Variants in PCDHA3 observed in about 807,000 individuals in gnomAD.
PCDHA3 encodes the protein protocadherin alpha-3.
PCDHA3 carries 41 observed loss-of-function variants against 62.2 expected under a neutral mutation model. That is an observed-to-expected ratio of 0.66 (90% CI 0.51 to 0.86). The LOEUF (loss-of-function observed/expected upper bound fraction) is 0.86. Ranked by LOEUF, PCDHA3 falls within the 40% of genes least tolerant of loss-of-function variation. PCDHA3 has a pLI of 0.00. For missense variants in PCDHA3, 1,304 were observed against 1,241.2 expected (o/e 1.05, Z -0.76); for synonymous variants, 640 against 555.4 (o/e 1.15, Z -2.14).
At chr5:140,945,155 A>G (rs566867183) in intron 1 of PCDHA3, among the ~76,000 whole-genome samples, 22 of 152,284 alleles carry the variant, frequency 1.4e-4, no homozygotes, top group African/African-American at 5.3e-4. Context: ...TCTATACACT[A>G]TTGAACTATC....
At chr5:140,876,315 C>G (rs2056279391) in intron 1 of PCDHA3, 1 of 1,613,840 alleles carries the variant, frequency 6.2e-7, no homozygotes, top group African/African-American at 1.3e-5. Flanking sequence ...CCTATGGGAT[C>G]AAAATGATTT....
chr5:140,828,449 G>A (rs2150155406), intron 1 of PCDHA3: 1 of 1,614,280 alleles, frequency 6.2e-7, no homozygotes, highest in African/African-American at 1.3e-5. Flanking sequence ...TTTCCATGTG[G>A]ACGTGGAGGT....
chr5:140,842,420 A>G, intron 1 of PCDHA3: 2 of 1,613,364 alleles, frequency 1.2e-6, no homozygotes, highest in Non-Finnish European at 1.7e-6. Context: ...TCAATTTGGT[A>G]CTGTCATCGC....
intron 1 of PCDHA3, chr5:140,929,570 A>G (rs1563117537): frequency 2.2e-6 from 1 of 458,222 alleles, no homozygotes; most frequent in South Asian, 1.1e-4. Flanking sequence ...TAAGAACAAT[A>G]AAAGTAATAT....
At chr5:140,976,316 C>T (rs1336395893) in intron 1 of PCDHA3, among the ~76,000 whole-genome samples, 17 of 152,002 alleles carry the variant, frequency 1.1e-4, no homozygotes, top group Admixed American at 1.0e-3. Context: ...TTTGGGAGGC[C>T]GAGGAGGGTG....
At chr5:141,001,476 G>A (rs1554258187) in intron 3 of PCDHA3, among the ~76,000 whole-genome samples, 1 of 152,226 alleles carries the variant, frequency 6.6e-6, no homozygotes, top group Admixed American at 6.5e-5. Flanking sequence ...CAGCAGCGGG[G>A]AAGTGCTGGA....
chr5:140,978,920 A>G, intron 1 of PCDHA3, 29 bp from the exon 2 acceptor site: 1 of 1,614,014 alleles, frequency 6.2e-7, no homozygotes, highest in Non-Finnish European at 8.5e-7. Context: ...TTGTCATTTT[A>G]ACAGAAAACT....
chr5:140,906,963 G>A (rs150934602), intron 1 of PCDHA3, among the ~76,000 whole-genome samples: 2 of 152,098 alleles, frequency 1.3e-5, no homozygotes, highest in South Asian at 2.1e-4. Flanking sequence ...TAATGGAATC[G>A]TGGTTGTGTC....
chr5:140,814,461 TGA>T (rs1462273467), intron 1 of PCDHA3: 22 of 151,788 alleles, frequency 1.4e-4, no homozygotes, highest in Non-Finnish European at 2.4e-4. Context: ...TTTTTTTTTT[TGA>T]GTTAATGTAT....
rs1554149884 is a variant in PCDHA3, at chr5:140,857,345, C to T, written c.2394+53754C>T. Reference sequence around the variant, plus strand: ...GACCGCGCGGGACGGGGGCTCGCCTCCGCTGTGGGCCACGGCCAGCGTGTC... The same window carrying T: ...GACCGCGCGGGACGGGGGCTCGCCTTCGCTGTGGGCCACGGCCAGCGTGTC... On this transcript the variant is annotated intron_variant, in intron 1 of 3. Coordinates refer to ENST00000522353, the MANE Select transcript of PCDHA3 (RefSeq NM_018906.3). The T allele has an allele frequency of 5.6e-6, 9 of 1,598,348 alleles. No homozygotes were observed. The Admixed American group carries it at 6.7e-5, about 12-fold the overall frequency.
Position 140,843,432 on chromosome 5 carries a change from T to C in PCDHA3, c.2394+39841T>C. The C allele has an allele frequency of 3.1e-6, 5 of 1,596,056 alleles. 1 individual carries two copies. The highest frequency in any genetic ancestry group is 4.3e-6 in the Non-Finnish European group (5 of 1,165,572). ...GTCAACGTGTACCTGATCATCGCCA[T>C]CTGCGCGGTATCCAGCCTGCTGGTG... On this transcript the variant is annotated intron_variant, in intron 1 of 3. Coordinates refer to ENST00000522353, the MANE Select transcript of PCDHA3 (RefSeq NM_018906.3).
At chr5:140,932,039 CAT>C (rs2087970987) in intron 1 of PCDHA3, among the ~76,000 whole-genome samples, 1 of 151,816 alleles carries the variant, frequency 6.6e-6, no homozygotes, top group South Asian at 2.1e-4. Context: ...TATATATTAA[CAT>C]AGCCTGTAAT....
intron 1 of PCDHA3, among the ~76,000 whole-genome samples, chr5:140,938,831 A>G (rs782069247): frequency 2.0e-5 from 3 of 152,118 alleles, no homozygotes; most frequent in Non-Finnish European, 4.4e-5. Flanking sequence ...AGTTTGCGTT[A>G]TAACAAACCT....
At chr5:140,842,068 A>T (rs1777688396) in intron 1 of PCDHA3, 2 of 1,613,910 alleles carry the variant, frequency 1.2e-6, no homozygotes, top group African/African-American at 2.7e-5. Context: ...AATACGAAGT[A>T]AGAATATTCG....
At chr5:140,908,895 G>A (rs1381470212) in intron 1 of PCDHA3, among the ~76,000 whole-genome samples, 1 of 152,158 alleles carries the variant, frequency 6.6e-6, no homozygotes, top group Non-Finnish European at 1.5e-5. Flanking sequence ...TCCCAAATAA[G>A]CCTCTTTCGT....
At position 140,843,179 on chromosome 5, in the gene PCDHA3, A is replaced by T. The variant is rs1554139831; in HGVS notation, c.2394+39588A>T. On this transcript the variant is annotated intron_variant, in intron 1 of 3. Transcript: ENST00000522353. Reference sequence around the variant, plus strand: ...GCAGCCAGCTGCAAGCAGCCCTCGCATCCCGTTCCGCGTGGGGCTGTACAC... The same window carrying T: ...GCAGCCAGCTGCAAGCAGCCCTCGCTTCCCGTTCCGCGTGGGGCTGTACAC... 4 of 1,595,858 alleles carry T rather than the reference A, an allele frequency of 2.5e-6. 1 individual carries two copies. In the Admixed American group the frequency reaches 5.1e-5, roughly 20 times the overall value.
At chr5:140,836,499 G>C in intron 1 of PCDHA3, 1 of 1,613,878 alleles carries the variant, frequency 6.2e-7, no homozygotes, top group Non-Finnish European at 8.5e-7. Context: ...CGCCATCTGC[G>C]CGGTGTCCAG....
chr5:140,813,192 G>C (rs1441562643), intron 1 of PCDHA3: 6 of 152,124 alleles, frequency 3.9e-5, no homozygotes, highest in African/African-American at 1.4e-4. Flanking sequence ...CTGCTTCCTT[G>C]CTGATTTTCT....
chr5:141,009,953 A>G lies in PCDHA3; in HGVS notation c.*16A>G, dbSNP rs782663496. 3 of 1,592,888 alleles carry G rather than the reference A, an allele frequency of 1.9e-6. No homozygotes were observed. Among genetic ancestry groups the G allele is most frequent in the Non-Finnish European group, 2.6e-6 (3 of 1,172,546 alleles). On this transcript the variant is annotated 3_prime_UTR_variant, in exon 4 of 4. Transcript: ENST00000522353. ...TGACCAGTGAGGTCCTCAAATGGAA[A>G]CAAGCCACTTAGCCAGTTTTTGTAA...
Sources: allele counts gnomAD v4.1 joint callset (sites outside exome capture counted in the v4.1 genomes callset), GRCh38; gene constraint gnomAD v4.1.1; transcripts MANE v1.5; gene names NCBI Gene and HGNC (gene_info 2026-07-23, HGNC 2026-07-21).